The following ESS2 variants were observed in gnomAD, a reference collection of about 807,000 sequenced individuals.
ESS2 encodes splicing factor ESS-2 homolog.
In ESS2, 31 loss-of-function variants were observed where a neutral mutation model predicts 52.0. The ratio of observed to expected loss-of-function variants is 0.60; its 90% CI spans 0.45 to 0.81. The LOEUF (loss-of-function observed/expected upper bound fraction) is 0.81. Among genes scored for constraint, ESS2 ranks in the 30% least tolerant of loss-of-function variants. The pLI is 0.00. For missense variants in ESS2, 602 were observed against 637.2 expected (o/e 0.94, Z 0.59); for synonymous variants, 285 against 259.2 (o/e 1.10, Z -0.95).
intron 3 of ESS2, among the ~76,000 whole-genome samples, chr22:19,141,695 C>T (rs533395662): frequency 2.1e-4 from 32 of 152,220 alleles, no homozygotes; most frequent in South Asian, 1.2e-3. Flanking sequence ...GCCTTTAAAA[C>T]GTTATGTCTT....
Position 19,131,626 on chromosome 22 carries a change from A to T in ESS2, c.*2570T>A. ...AACCACGGCTCCATCATCAAGACTTACGAGATCTTTGAGACCTCTGACGGA... is the reference window on the plus strand; with the variant it reads ...AACCACGGCTCCATCATCAAGACTTTCGAGATCTTTGAGACCTCTGACGGA... On this transcript the variant is annotated 3_prime_UTR_variant, in exon 10 of 10. Transcript: ENST00000252137. The surrounding 1 kb of genome is among the most constrained non-coding windows in gnomAD (Gnocchi z 5.7). 1 of 1,614,126 alleles carries T rather than the reference A, an allele frequency of 6.2e-7. No individual in the cohort carries two copies. The highest frequency in any genetic ancestry group is 8.5e-7 in the Non-Finnish European group (1 of 1,180,022).
At position 19,135,086 on chromosome 22, in the gene ESS2, C is replaced by T; in HGVS notation, c.1125G>A (p.Leu375=). 6.2e-7 allele frequency: 1 copy of T among 1,614,000 alleles called. No individual in the cohort carries two copies. The highest frequency in any genetic ancestry group is 1.1e-5 in the South Asian group (1 of 91,088). Residue 375 remains leucine, a synonymous_variant, in exon 9 of 10, where the codon TTG becomes TTA. Coordinates refer to ENST00000252137, the MANE Select transcript of ESS2 (RefSeq NM_022719.3). ...TGGCCAGATTCTCCGTCACTCTCCG[C>T]AAGGCTTCCTGCTTCTTGGCCCGGT... ...AKNRAKKQEA[L]RRVTENLASL... is the part of the protein sequence containing the mutation.
At chr22:19,142,495 G>A (rs779320175) in intron 3 of ESS2, 43 bp downstream of exon 3, 2 of 1,536,564 alleles carry the variant, frequency 1.3e-6, no homozygotes, top group Admixed American at 2.0e-5. Flanking sequence ...AAGATTCCCA[G>A]GCAATCCTGA....
rs775462882 is a variant in ESS2 at position 19,132,106 on chromosome 22, C to T, written c.*2090G>A. On this transcript the variant is annotated 3_prime_UTR_variant, in exon 10 of 10. Coordinates refer to ENST00000252137, the MANE Select transcript of ESS2 (RefSeq NM_022719.3). The surrounding 1 kb of genome is among the most constrained non-coding windows in gnomAD (Gnocchi z 4.2). Reference sequence around the variant, plus strand: ...CAGAAGGAGCACCGTGTGGACTTCCCGCGCTCCAAGAACCTGACCTGCGAG... The same window carrying T: ...CAGAAGGAGCACCGTGTGGACTTCCTGCGCTCCAAGAACCTGACCTGCGAG... The T allele has an allele frequency of 1.6e-5, 26 of 1,612,800 alleles. No homozygotes were observed. The highest frequency in any genetic ancestry group is 3.3e-5 in the Admixed American group (2 of 59,982).
intron 1 of ESS2, 36 bp downstream of exon 1, chr22:19,144,470 G>A (rs2083749720): frequency 1.2e-6 from 2 of 1,611,128 alleles, no homozygotes; most frequent in Admixed American, 1.7e-5. Context: ...CAGAGGATGG[G>A]CCCAGAAGTC....
At chr22:19,135,799 G>C (rs2083571364) in intron 8 of ESS2, among the ~76,000 whole-genome samples, 1 of 152,058 alleles carries the variant, frequency 6.6e-6, no homozygotes, top group Non-Finnish European at 1.5e-5. Context: ...AGGCCAAGGT[G>C]GGAGGATCAC....
At position 19,139,624 on chromosome 22, in the gene ESS2, A is replaced by T; in HGVS notation, c.676T>A (p.Tyr226Asn). The T allele has an allele frequency of 6.2e-7, 1 of 1,613,784 alleles. No homozygotes were observed. Among genetic ancestry groups the T allele is most frequent in the Non-Finnish European group, 8.5e-7 (1 of 1,179,644 alleles). The change falls in exon 5 of 10, where the codon TAC (tyrosine) becomes AAC (asparagine). Residue 226 changes from tyrosine (Y) to asparagine (N), a missense_variant. Coordinates refer to ENST00000252137, the MANE Select transcript of ESS2 (RefSeq NM_022719.3). ...WKYKAKNSLM[Y>N]YPEGVPDEEQ... The stretch of plus-strand genomic sequence containing the variant: ...GCCCGCCACTTACCCTCTGGATAGT[A>T]CATGAGGGAATTCTTGGCCTTGTAC...
intron 8 of ESS2, among the ~76,000 whole-genome samples, chr22:19,136,902 C>T (rs892952823): frequency 3.3e-5 from 5 of 152,184 alleles, no homozygotes; most frequent in African/African-American, 9.7e-5. Flanking sequence ...TCACACACTC[C>T]ACCCTGACCA....
intron 3 of ESS2, among the ~76,000 whole-genome samples, chr22:19,142,200 G>T (rs185582109): frequency 6.6e-6 from 1 of 152,138 alleles, no homozygotes; most frequent in African/African-American, 2.4e-5. Flanking sequence ...CCAACATGAA[G>T]GAAACAAATG....
Position 19,132,355 on chromosome 22 carries a change from C to G in ESS2, c.*1841G>C. ...CCCGACCACAAGCTTGGAGCCAAAA[C>G]CCAGCACCGGCTGCTGGTGGTGCCC... On this transcript the variant is annotated 3_prime_UTR_variant, in exon 10 of 10. Coordinates refer to ENST00000252137, the MANE Select transcript of ESS2 (RefSeq NM_022719.3). This position sits in a 1 kb window ranked among gnomAD's most constrained non-coding sequence, Gnocchi z 4.2. 1 of 1,613,068 alleles carries G rather than the reference C, an allele frequency of 6.2e-7. No individual in the cohort carries two copies. The highest frequency in any genetic ancestry group is 8.5e-7 in the Non-Finnish European group (1 of 1,180,018).
rs769115156 is a variant in ESS2, at chr22:19,132,434, C to T, written c.*1762G>A. On this transcript the variant is annotated 3_prime_UTR_variant, in exon 10 of 10. Transcript: ENST00000252137. This position sits in a 1 kb window ranked among gnomAD's most constrained non-coding sequence, Gnocchi z 4.2. ...TGGCCGAGACCTCCAGGGCCAAAGA[C>T]CATCACATCTCCGGAGCTGAGGTGG... 2 of 1,612,592 alleles carry T rather than the reference C, an allele frequency of 1.2e-6. No homozygotes were observed. The highest frequency in any genetic ancestry group is 2.2e-5 in the East Asian group (1 of 44,866).
In ESS2 at chr22:19,131,569, T is replaced by G. The variant is rs1184145817; in HGVS notation, c.*2627A>C. 6.2e-7 allele frequency: 1 copy of G among 1,614,152 alleles called. No individual in the cohort carries two copies. Among genetic ancestry groups the G allele is most frequent in the East Asian group, 2.2e-5 (1 of 44,878 alleles). ...CCTACTGACTTTGTGGAGAGATTCC[T>G]TCCTCGGGAGATGGACATCCTGGCA... On this transcript the variant is annotated 3_prime_UTR_variant, in exon 10 of 10. Transcript: ENST00000252137. This position sits in a 1 kb window ranked among gnomAD's most constrained non-coding sequence, Gnocchi z 5.7.
chr22:19,143,059 G>C (rs1386968521), intron 1 of ESS2, among the ~76,000 whole-genome samples, 165 bp from the exon 2 acceptor site: 1 of 152,068 alleles, frequency 6.6e-6, no homozygotes, highest in Non-Finnish European at 1.5e-5. Context: ...ACAAAAATTA[G>C]CCGGGCGTGG....
chr22:19,140,852 C>T (rs1015423337), intron 3 of ESS2, among the ~76,000 whole-genome samples: 1 of 152,194 alleles, frequency 6.6e-6, no homozygotes, highest in Non-Finnish European at 1.5e-5. Context: ...AAACCCTGAC[C>T]ATCTCTGAGA....
chr22:19,139,062 A>C, intron 6 of ESS2, 97 bp downstream of exon 6: 1 of 1,461,146 alleles, frequency 6.8e-7, no homozygotes, highest in South Asian at 1.3e-5. Context: ...CCACTCACTG[A>C]GCTCTGCCAA....
chr22:19,131,765 C>T lies in ESS2; in HGVS notation c.*2431G>A, dbSNP rs754545831. ...GCAAGATGTTCCGACAGCTCTCCTC[C>T]GCCGTCAAGTACTGCCACGACCTGG... is the stretch of plus-strand genomic sequence containing the variant. On this transcript the variant is annotated 3_prime_UTR_variant, in exon 10 of 10. Transcript: ENST00000252137. The surrounding 1 kb of genome is among the most constrained non-coding windows in gnomAD (Gnocchi z 5.7). 6.1e-5 allele frequency: 99 copies of T among 1,614,072 alleles called. 1 individual carries two copies. The East Asian group carries it at 8.5e-4, about 14-fold the overall frequency.
chr22:19,144,137 A>G (rs1319718497), intron 1 of ESS2: 1 of 1,051,072 alleles, frequency 9.5e-7, no homozygotes, highest in Non-Finnish European at 1.2e-6. Context: ...AGATGCTGTC[A>G]CAACTGCGGT....
Position 19,131,180 on chromosome 22 carries a change from C to A in ESS2, c.*3016G>T. On this transcript the variant is annotated 3_prime_UTR_variant, in exon 10 of 10. Transcript: ENST00000252137. This position sits in a 1 kb window ranked among gnomAD's most constrained non-coding sequence, Gnocchi z 5.7. ...AGCCTGGCTTCCACGGTTCCAGAGA[C>A]CCTGTTCTCCCTCAGCCCAGTCCCC... 2 of 538,310 alleles carry A rather than the reference C, an allele frequency of 3.7e-6. No homozygotes were observed. The highest frequency in any genetic ancestry group is 3.1e-5 in the East Asian group (1 of 32,126). The allele number at this position is 538,310 out of a possible 1,614,324, so 33.3% of individuals were successfully genotyped here.
In ESS2 at chr22:19,142,573, T is replaced by C. The variant is rs563995948; in HGVS notation, c.365A>G (p.Asn122Ser). Residue 122 changes from asparagine (N) to serine (S), a missense_variant, in exon 3 of 10, where the codon AAC (asparagine) becomes AGC (serine). Coordinates refer to ENST00000252137, the MANE Select transcript of ESS2 (RefSeq NM_022719.3). Reference protein sequence around the residue: ...EVHAGTGVVGNKPRPRGRGLE... With the variant: ...EVHAGTGVVGSKPRPRGRGLE... ...GCCTCGGCCGCGGGGCCTGGGCTTGTTGCCCACCACTCCAGTGCCTGCATG... is the reference window on the plus strand; with the variant it reads ...GCCTCGGCCGCGGGGCCTGGGCTTGCTGCCCACCACTCCAGTGCCTGCATG... 1.2e-4 allele frequency: 192 copies of C among 1,613,184 alleles called. 3 individuals carry two copies. The South Asian group carries it at 1.9e-3, about 16-fold the overall frequency.
Sources: gnomAD v4.1 joint callset for allele counts (sites outside exome capture counted in the v4.1 genomes callset) on GRCh38, gnomAD v4.1.1 for gene constraint, Gnocchi (gnomAD v3.1) non-coding constraint, MANE v1.5 for transcripts, NCBI Gene and HGNC (gene_info 2026-07-23, HGNC 2026-07-21) for gene names.